The following INTS7 variants were observed in gnomAD, a reference collection of about 807,000 sequenced individuals.
The protein encoded by INTS7 is integrator complex subunit 7, also known as chromosome 1 open reading frame 73.
In INTS7, 46 loss-of-function variants were observed where a neutral mutation model predicts 109.2. That is an observed-to-expected ratio of 0.42 (90% CI 0.33 to 0.54). The LOEUF (loss-of-function observed/expected upper bound fraction) is 0.54, where lower values mean the gene tolerates loss of function less well. Ranked by LOEUF, INTS7 falls within the 20% of genes least tolerant of loss-of-function variation. The probability of loss-of-function intolerance (pLI) is 0.07; values close to 1 mark genes in which losing one functional copy is unlikely to be tolerated. For missense variants in INTS7, 929 were observed against 1,132.4 expected, an observed-to-expected ratio of 0.82 and a Z score of 2.58; for synonymous variants, 412 against 402.9, an observed-to-expected ratio of 1.02 and a Z score of -0.27.
At chr1:212,011,508 CAGA>C in intron 4 of INTS7, 87 bp from the exon 5 acceptor site, 1 of 829,568 alleles carries the variant, frequency 1.2e-6, no homozygotes, top group Non-Finnish European at 2.0e-6. Flanking sequence ...ACAATTAGCG[CAGA>C]AGAAATACAA....
intron 1 of INTS7, among the ~76,000 whole-genome samples, chr1:212,024,561 T>A (rs990906195): frequency 9.9e-5 from 15 of 152,222 alleles, no homozygotes; most frequent in Admixed American, 6.5e-5. Context: ...AACATCTGTA[T>A]GCAAATATTC....
chr1:211,943,211 G>C (rs1558018360), intron 19 of INTS7, among the ~76,000 whole-genome samples: 1 of 151,958 alleles, frequency 6.6e-6, no homozygotes. Context: ...TGCATCTTAA[G>C]CTGCAAACTC....
intron 16 of INTS7, among the ~76,000 whole-genome samples, chr1:211,957,391 C>T (rs1045332904): frequency 6.6e-6 from 1 of 151,978 alleles, no homozygotes; most frequent in Non-Finnish European, 1.5e-5. Context: ...ACTAAAAATA[C>T]AAAAATTTGC....
chr1:211,974,272 A>ATATATATATATATATATATATATATAT (rs1553249472), intron 13 of INTS7, among the ~76,000 whole-genome samples: 1 of 62,326 alleles, frequency 1.6e-5, no homozygotes, highest in Non-Finnish European at 2.9e-5. Flanking sequence ...TCCCAGAAAA[A>ATATATATATATATATATATATATATAT]AAAAATATAT....
chr1:211,983,243 T>C (rs1353206692), intron 8 of INTS7, among the ~76,000 whole-genome samples: 1 of 152,122 alleles, frequency 6.6e-6, no homozygotes, highest in Non-Finnish European at 1.5e-5. Flanking sequence ...TGACACACAT[T>C]TATACCTCAT....
intron 1 of INTS7, among the ~76,000 whole-genome samples, chr1:212,032,201 A>C (rs1667196078): frequency 6.7e-6 from 1 of 149,746 alleles, no homozygotes; most frequent in Admixed American, 6.6e-5. Flanking sequence ...GAATCTCAGC[A>C]CTTCACACAT....
chr1:212,002,783 T>C (rs1181686807), intron 7 of INTS7, among the ~76,000 whole-genome samples: 1 of 152,230 alleles, frequency 6.6e-6, no homozygotes, highest in East Asian at 1.9e-4. Context: ...CTGTCTGACG[T>C]CTCTGCCTAG....
chr1:212,001,434 GA>G (rs1665667589), intron 7 of INTS7, among the ~76,000 whole-genome samples: 1 of 151,948 alleles, frequency 6.6e-6, no homozygotes, highest in Admixed American at 6.6e-5. Context: ...AATCCAGATC[GA>G]AAGTATTTGA....
At chr1:211,985,194 A>ATCCTTGCCTTCTG (rs1467261467) in intron 8 of INTS7, among the ~76,000 whole-genome samples, 9 of 152,194 alleles carry the variant, frequency 5.9e-5, no homozygotes, top group African/African-American at 2.2e-4. Flanking sequence ...ATGTTTATCA[A>ATCCTTGCCTTCTG]ACTTCTAAAT....
chr1:211,970,483 C>T (rs1448011539), intron 13 of INTS7, among the ~76,000 whole-genome samples: 1 of 152,114 alleles, frequency 6.6e-6, no homozygotes, highest in African/African-American at 2.4e-5. Context: ...GCAAAAGAGC[C>T]AGACATGATT....
chr1:212,020,095 A>G, intron 3 of INTS7, 27 bp downstream of exon 3: 2 of 1,415,234 alleles, frequency 1.4e-6, no homozygotes, highest in Non-Finnish European at 1.9e-6. Flanking sequence ...ATAATCTCAT[A>G]GTGAATTATT....
intron 7 of INTS7, among the ~76,000 whole-genome samples, chr1:211,992,226 A>G (rs1161497480): frequency 2.6e-5 from 4 of 152,148 alleles, no homozygotes; most frequent in South Asian, 4.1e-4. Context: ...ACTATGTTCT[A>G]TATTTATATG....
chr1:212,013,854 T>C (rs1666276344), intron 4 of INTS7, among the ~76,000 whole-genome samples: 2 of 152,186 alleles, frequency 1.3e-5, no homozygotes, highest in African/African-American at 4.8e-5. Context: ...GGTTATACCA[T>C]CTAGATTTGT....
intron 5 of INTS7, among the ~76,000 whole-genome samples, chr1:212,009,398 A>T (rs569489522): frequency 1.3e-5 from 2 of 152,270 alleles, no homozygotes; most frequent in South Asian, 2.1e-4. Flanking sequence ...AGCTTTCATC[A>T]ACTCCCTTGC....
intron 10 of INTS7, among the ~76,000 whole-genome samples, chr1:211,978,744 G>A (rs1664529506): frequency 6.6e-6 from 1 of 152,142 alleles, no homozygotes; most frequent in Admixed American, 6.5e-5. Flanking sequence ...TTCAATCTAA[G>A]ACTATTAAAA....
chr1:211,953,180 G>A (rs1663186074), intron 16 of INTS7, among the ~76,000 whole-genome samples: 1 of 152,166 alleles, frequency 6.6e-6, no homozygotes, highest in African/African-American at 2.4e-5. Context: ...GAGATGGAAA[G>A]TACAGGACAT....
intron 18 of INTS7, among the ~76,000 whole-genome samples, chr1:211,945,170 C>A (rs949393848): frequency 6.6e-6 from 1 of 152,084 alleles, no homozygotes; most frequent in African/African-American, 2.4e-5. Flanking sequence ...GGTTTTCATC[C>A]CAAACCTCAG....
At chr1:211,977,480 G>T (rs1664470766) in intron 11 of INTS7, among the ~76,000 whole-genome samples, 1 of 152,140 alleles carries the variant, frequency 6.6e-6, no homozygotes, top group Admixed American at 6.5e-5. Context: ...CATACATTTG[G>T]TCATCAAGGT....
At chr1:211,997,404 C>T (rs954736369) in intron 7 of INTS7, among the ~76,000 whole-genome samples, 1 of 151,202 alleles carries the variant, frequency 6.6e-6, no homozygotes, top group African/African-American at 2.4e-5. Flanking sequence ...GGCATGGTGG[C>T]GTGTACCTGT....
Sources: gnomAD v4.1 joint callset for allele counts (sites outside exome capture counted in the v4.1 genomes callset) on GRCh38, gnomAD v4.1.1 for gene constraint, MANE v1.5 for transcripts, NCBI Gene and HGNC (gene_info 2026-07-23, HGNC 2026-07-21) for gene names.